Variants in TMEM247 observed in about 807,000 individuals in gnomAD.
TMEM247 encodes the protein transmembrane protein 247.
A neutral mutation model predicts 20.7 loss-of-function variants in TMEM247; 23 were observed. The observed-to-expected ratio is 1.11, with a 90% CI of 0.80 to 1.57. The LOEUF is 1.57. Among genes scored for constraint, TMEM247 ranks in the 40% most tolerant of loss-of-function variants. The pLI, the probability that TMEM247 is intolerant of heterozygous loss-of-function variation, is 0.00. For synonymous variants in TMEM247, 106 were observed against 111.9 expected (o/e 0.95, Z 0.33); for missense variants, 354 against 283.8 (o/e 1.25, Z -1.78).
At chr2:46,480,019 C>G (rs1468965535) in intron 1 of TMEM247, among the ~76,000 whole-genome samples, 1 of 152,130 alleles carries the variant, frequency 6.6e-6, no homozygotes. Flanking sequence ...TCAATTCAGA[C>G]CCTGGGTTTC....
exon 1 of TMEM247, chr2:46,479,570 C>T (rs1362942402): frequency 7.1e-6 from 11 of 1,546,900 alleles, no homozygotes; most frequent in East Asian, 4.9e-5. Flanking sequence ...CACCTGGCAG[C>T]GTTCTGGTTT....
rs146599284 is a variant in TMEM247 at position 46,481,620 on chromosome 2, C to G, written c.477+856C>G. On this transcript the variant is annotated intron_variant, in intron 2 of 2. Transcript: ENST00000434431. Reference sequence around the variant, plus strand: ...GTTGTCAGGAATCAATGAGAGAACACACGCAAAGCACTTTGCAATTAGCCC... The same window carrying G: ...GTTGTCAGGAATCAATGAGAGAACAGACGCAAAGCACTTTGCAATTAGCCC... Among the ~76,000 whole-genome samples the G allele has an allele frequency of 1.8e-3, 276 of 152,336 alleles. 1 individual carries two copies. The highest frequency in any genetic ancestry group is 6.1e-3 in the African/African-American group (252 of 41,572).
chr2:46,482,637 A>G (rs1252510160), intron 2 of TMEM247, among the ~76,000 whole-genome samples: 1 of 152,234 alleles, frequency 6.6e-6, no homozygotes, highest in Non-Finnish European at 1.5e-5. Flanking sequence ...AGTCATAATG[A>G]TCACTCATCA....
intron 1 of TMEM247, 146 bp from the exon 2 acceptor site, chr2:46,480,259 C>T (rs1457188535): frequency 3.2e-6 from 3 of 949,426 alleles, no homozygotes; most frequent in Non-Finnish European, 4.5e-6. Context: ...CCGGTAAGAG[C>T]ACTTCTAATA....
chr2:46,482,426 C>G (rs1686905823), intron 2 of TMEM247, among the ~76,000 whole-genome samples: 1 of 152,220 alleles, frequency 6.6e-6, no homozygotes, highest in Non-Finnish European at 1.5e-5. Flanking sequence ...GATATTGTAA[C>G]TATGCCTTTG....
chr2:46,482,718 C>A (rs943286450), intron 2 of TMEM247, among the ~76,000 whole-genome samples: 2 of 152,218 alleles, frequency 1.3e-5, no homozygotes, highest in African/African-American at 4.8e-5. Flanking sequence ...CCATACTGAG[C>A]CTGCAGAGAA....
chr2:46,482,018 A>G (rs1464738247), intron 2 of TMEM247, among the ~76,000 whole-genome samples: 2 of 152,202 alleles, frequency 1.3e-5, no homozygotes, highest in Admixed American at 1.3e-4. Context: ...AAATTAAGAT[A>G]TTACATTACC....
At chr2:46,480,855 G>C in intron 2 of TMEM247, 91 bp downstream of exon 2, 1 of 1,427,072 alleles carries the variant, frequency 7.0e-7, no homozygotes. Flanking sequence ...TCCCTGCTTT[G>C]CGCGGCACCC....
At chr2:46,480,419 G>C (rs1558643119) in exon 2 of TMEM247, 4 of 1,546,510 alleles carry the variant, frequency 2.6e-6, no homozygotes, top group South Asian at 2.4e-5. Flanking sequence ...CAGAGTCCCA[G>C]AAGCCAGACT....
At chr2:46,479,753 C>G (rs932968528) in intron 1 of TMEM247, 51 bp downstream of exon 1, 2 of 1,291,574 alleles carry the variant, frequency 1.5e-6, no homozygotes, top group Non-Finnish European at 2.2e-6. Flanking sequence ...TCAGGGGGAG[C>G]AAGAATACTG....
chr2:46,481,725 G>C (rs1356895291), intron 2 of TMEM247, among the ~76,000 whole-genome samples: 1 of 152,202 alleles, frequency 6.6e-6, no homozygotes, highest in Non-Finnish European at 1.5e-5. Flanking sequence ...TGACCCAAAT[G>C]CAACAACATA....
chr2:46,480,331 G>C, intron 1 of TMEM247, 74 bp from the exon 2 acceptor site: 1 of 1,428,910 alleles, frequency 7.0e-7, no homozygotes, highest in East Asian at 2.5e-5. Context: ...GGGGCTGCGG[G>C]AGTTCCATGG....
chr2:46,480,840 C>T, intron 2 of TMEM247, 76 bp downstream of exon 2: 1 of 1,452,784 alleles, frequency 6.9e-7, no homozygotes, highest in Non-Finnish European at 9.1e-7. Context: ...AGCAGGCGCC[C>T]ACCTTCCCTG....
exon 2 of TMEM247, chr2:46,480,759 C>G (rs772620209): frequency 4.4e-6 from 5 of 1,125,222 alleles, no homozygotes; most frequent in Non-Finnish European, 5.5e-6. Context: ...GGCGGCGCCC[C>G]GCCTGGTGGG....
At position 46,480,762 on chromosome 2, in the gene TMEM247, C is replaced by T. The variant is rs927130760; in HGVS notation, c.475C>T (p.Leu159=). 3.5e-6 allele frequency: 4 copies of T among 1,134,494 alleles called. No individual in the cohort carries two copies. The African/African-American group carries it at 8.0e-5, about 23-fold the overall frequency. The allele number at this position is 1,134,494 out of a possible 1,614,324, so 70.3% of individuals were successfully genotyped here. Residue 159 remains leucine, a splice_region_variant and synonymous_variant, in exon 2 of 3, where the codon CTG becomes TTG. Coordinates refer to ENST00000434431, the Ensembl canonical transcript of TMEM247. ...GCTGCAGCAAGAGGCGGCGCCCCGC[C>T]TGGTGGGTGACAAGGAACGGGGCAC...
intron 2 of TMEM247, among the ~76,000 whole-genome samples, chr2:46,481,610 TGA>T (rs1686890936): frequency 6.6e-6 from 1 of 152,220 alleles, no homozygotes; most frequent in Non-Finnish European, 1.5e-5. Context: ...CAGGAATCAA[TGA>T]GAGAACACAC....
intron 2 of TMEM247, among the ~76,000 whole-genome samples, chr2:46,482,567 AACATTGAAAGTATTTTGAAAAGTCTAAAG>A (rs1686910609): frequency 6.6e-6 from 1 of 152,160 alleles, no homozygotes; most frequent in Non-Finnish European, 1.5e-5. Flanking sequence ...CAAGAATTAG[AACATTGAAAGTATTTTGAAAAGTCTAAAG>A]GGTTTCACAA....
intron 1 of TMEM247, 121 bp downstream of exon 1, chr2:46,479,823 C>T (rs1220035577): frequency 4.2e-6 from 3 of 706,838 alleles, no homozygotes; most frequent in East Asian, 2.8e-5. Context: ...ACATGTACCC[C>T]AGCCCTGTAA....
intron 2 of TMEM247, among the ~76,000 whole-genome samples, chr2:46,482,908 T>C (rs1438671184): frequency 6.6e-6 from 1 of 152,220 alleles, no homozygotes; most frequent in Admixed American, 6.5e-5. Context: ...GTCCCCATCC[T>C]CCAGCCTTTG....
Sources: gnomAD v4.1 joint callset for allele counts (sites outside exome capture counted in the v4.1 genomes callset) on GRCh38, gnomAD v4.1.1 for gene constraint, MANE v1.5 for transcripts, NCBI Gene and HGNC (gene_info 2026-07-23, HGNC 2026-07-21) for gene names.